The following ALKBH5 variants were observed in gnomAD, a reference collection of about 807,000 sequenced individuals.
ALKBH5 encodes alkB homolog 5, RNA demethylase, also known as RNA demethylase ALKBH5.
In ALKBH5, 2 loss-of-function variants were observed where a neutral mutation model predicts 32.1. The ratio of observed to expected loss-of-function variants is 0.06; its 90% confidence interval spans 0.03 to 0.20. ALKBH5 has a LOEUF of 0.20. Ranked by LOEUF, ALKBH5 falls within the 10% of genes least tolerant of loss-of-function variation. The pLI, the probability that ALKBH5 is intolerant of heterozygous loss-of-function variation, is 1.00. For synonymous variants in ALKBH5, 300 were observed against 231.7 expected, an observed-to-expected ratio of 1.29 and a Z score of -2.68; for missense variants, 352 against 559.5, an observed-to-expected ratio of 0.63 and a Z score of 3.74.
At chr17:18,205,778 C>A (rs1180495541) in intron 2 of ALKBH5, among the ~76,000 whole-genome samples, 3 of 152,182 alleles carry the variant, frequency 2.0e-5, no homozygotes, top group African/African-American at 7.2e-5. Flanking sequence ...CTTGGATTTC[C>A]CTCCTGCTTA....
rs2047281918 is a variant in ALKBH5 at position 18,208,311 on chromosome 17, A to G, written c.1100A>G (p.Tyr367Cys). 6.2e-7 allele frequency: 1 copy of G among 1,614,098 alleles called. No individual in the cohort carries two copies. Among genetic ancestry groups the G allele is most frequent in the East Asian group, 2.2e-5 (1 of 44,862 alleles). Residue 367 changes from tyrosine (Y) to cysteine (C), a missense_variant, in exon 4 of 4, where the codon TAC (tyrosine) becomes TGC (cysteine). Coordinates refer to ENST00000399138, the MANE Select transcript of ALKBH5 (RefSeq NM_017758.4). ...RRRGSFSSEN[Y>C]WRKSYESSED... ...AGGGGTAGCTTCAGCTCTGAGAACTACTGGCGCAAGTCATACGAGTCCTCA... is the reference window on the plus strand; with the variant it reads ...AGGGGTAGCTTCAGCTCTGAGAACTGCTGGCGCAAGTCATACGAGTCCTCA...
intron 1 of ALKBH5, among the ~76,000 whole-genome samples, chr17:18,192,289 G>A (rs767772760): frequency 2.0e-5 from 3 of 152,178 alleles, no homozygotes; most frequent in Non-Finnish European, 2.9e-5. Flanking sequence ...CTTAATTCTC[G>A]CAATACCCCT....
intron 1 of ALKBH5, 102 bp from the exon 2 acceptor site, chr17:18,194,853 G>A (rs907413755): frequency 1.2e-6 from 1 of 860,914 alleles, no homozygotes; most frequent in South Asian, 1.6e-5. Context: ...TGGGTAGAGA[G>A]CAGCCGTAAG....
At position 18,184,170 on chromosome 17, in the gene ALKBH5, G is replaced by A. The variant is rs1004908692; in HGVS notation, c.-74G>A. The A allele has an allele frequency of 1.5e-6, 2 of 1,331,906 alleles. No individual in the cohort carries two copies. Among genetic ancestry groups the A allele is most frequent in the Non-Finnish European group, 2.0e-6 (2 of 998,546 alleles). The allele number at this position is 1,331,906 out of a possible 1,614,324, so 82.5% of individuals were successfully genotyped here. ...GACCCCCCTCCCTCCGGGGGCCCCG[G>A]GGCGCGTCCCCTTAGAGCCATGCCC... On this transcript the variant is annotated 5_prime_UTR_variant, in exon 1 of 4. Transcript: ENST00000399138.
At position 18,208,400 on chromosome 17, in the gene ALKBH5, T is replaced by C; in HGVS notation, c.*4T>C. On this transcript the variant is annotated 3_prime_UTR_variant, in exon 4 of 4. Transcript: ENST00000399138. ...GGTGAAGATGCGGCGGCACTGAGTC[T>C]ACCCGCCGCCCTCCTGGGAACTCTG... 3 of 1,611,928 alleles carry C rather than the reference T, an allele frequency of 1.9e-6. No homozygotes were observed. Among genetic ancestry groups the C allele is most frequent in the Non-Finnish European group, 2.5e-6 (3 of 1,179,126 alleles).
Position 18,184,155 on chromosome 17 carries a change from C to T in ALKBH5, c.-89C>T, listed in dbSNP as rs1001630227. ...GGGTTCGGCGCTAAGGACCCCCCTC[C>T]CTCCGGGGGCCCCGGGGCGCGTCCC... is the stretch of plus-strand genomic sequence containing the variant. On this transcript the variant is annotated 5_prime_UTR_variant, in exon 1 of 4. Coordinates refer to ENST00000399138, the MANE Select transcript of ALKBH5 (RefSeq NM_017758.4). 2.5e-6 allele frequency: 3 copies of T among 1,211,848 alleles called. No individual in the cohort carries two copies. The highest frequency in any genetic ancestry group is 1.6e-5 in the African/African-American group (1 of 62,394). The allele number at this position is 1,211,848 out of a possible 1,614,324, so 75.1% of individuals were successfully genotyped here. A position where few individuals can be genotyped will look rare whatever the true frequency, so the allele number is the denominator to read the frequency against.
At chr17:18,204,465 T>C (rs868465844) in intron 2 of ALKBH5, among the ~76,000 whole-genome samples, 17 of 111,142 alleles carry the variant, frequency 1.5e-4, no homozygotes, top group South Asian at 2.7e-4. Flanking sequence ...AAAAAAAAAA[T>C]AGAAAAGGTA....
At chr17:18,190,285 C>T (rs1016301955) in intron 1 of ALKBH5, among the ~76,000 whole-genome samples, 8 of 152,204 alleles carry the variant, frequency 5.3e-5, no homozygotes, top group Admixed American at 1.3e-4. Context: ...TGCGGTGGCT[C>T]ATGCCTGTAA....
At chr17:18,203,641 G>C (rs1487497174) in intron 2 of ALKBH5, among the ~76,000 whole-genome samples, 1 of 152,234 alleles carries the variant, frequency 6.6e-6, no homozygotes, top group Non-Finnish European at 1.5e-5. Flanking sequence ...CCAGATTTGT[G>C]ACTCTCTGCT....
Position 18,199,782 on chromosome 17 carries a change from G to T in ALKBH5, c.851+4747G>T, listed in dbSNP as rs148355894. 5.3e-5 allele frequency among the ~76,000 whole-genome samples: 8 copies of T among 152,160 alleles called. No individual in the cohort carries two copies. The South Asian group carries it at 6.2e-4, about 12-fold the overall frequency. Reference sequence around the variant, plus strand: ...AGTGAACACTGGTGTAAAAGCACAGGGTATTCTCTGGGAGCCCTGCAAAAA... The same window carrying T: ...AGTGAACACTGGTGTAAAAGCACAGTGTATTCTCTGGGAGCCCTGCAAAAA... On this transcript the variant is annotated intron_variant, in intron 2 of 3. Transcript: ENST00000399138.
intron 2 of ALKBH5, 116 bp downstream of exon 2, chr17:18,195,151 A>G (rs763959030): frequency 2.8e-5 from 21 of 740,688 alleles, no homozygotes; most frequent in Non-Finnish European, 4.4e-5. Flanking sequence ...AGTGGAGAGC[A>G]GAACTGTTAA....
intron 1 of ALKBH5, among the ~76,000 whole-genome samples, chr17:18,185,677 A>T (rs2047134974): frequency 6.6e-6 from 1 of 152,218 alleles, no homozygotes; most frequent in Non-Finnish European, 1.5e-5. Flanking sequence ...ATACAACAGA[A>T]TACAGCTGGT....
chr17:18,209,906 C>T lies in ALKBH5; in HGVS notation c.*1510C>T, dbSNP rs912140849. The T allele has an allele frequency of 6.6e-6, 1 of 152,548 alleles. No homozygotes were observed. Among genetic ancestry groups the T allele is most frequent in the African/African-American group, 2.4e-5 (1 of 41,392 alleles). The allele number at this position is 152,548 out of a possible 1,614,324, so 9.4% of individuals were successfully genotyped here. ...TGTAGTTGTGTGTGCAGCACTTCGC[C>T]CTGATATGTGTGCTCTACAATAAAA... is the stretch of plus-strand genomic sequence containing the variant. On this transcript the variant is annotated 3_prime_UTR_variant, in exon 4 of 4. Coordinates refer to ENST00000399138, the MANE Select transcript of ALKBH5 (RefSeq NM_017758.4).
rs114322620 is a variant in ALKBH5 at position 18,194,871 on chromosome 17, C to T, written c.771-84C>T. ...GTAGAGAGCAGCCGTAAGACCTAGGCCATGTTCCTGTCCTGTTATATCCCC... is the reference window on the plus strand; with the variant it reads ...GTAGAGAGCAGCCGTAAGACCTAGGTCATGTTCCTGTCCTGTTATATCCCC... On this transcript the variant is annotated intron_variant, in intron 1 of 3. Transcript: ENST00000399138. 1.2e-3 allele frequency: 1,415 copies of T among 1,155,824 alleles called. 10 individuals are homozygous for T. The African/African-American group carries it at 0.018, about 15-fold the overall frequency. The allele number at this position is 1,155,824 out of a possible 1,614,324, so 71.6% of individuals were successfully genotyped here.
chr17:18,202,174 T>G (rs1011300796), intron 2 of ALKBH5, among the ~76,000 whole-genome samples: 2 of 151,454 alleles, frequency 1.3e-5, no homozygotes, highest in Non-Finnish European at 2.9e-5. Context: ...CCGGGCATGG[T>G]GGCAGGCGCC....
chr17:18,185,874 A>G (rs915736734), intron 1 of ALKBH5, among the ~76,000 whole-genome samples: 1 of 152,218 alleles, frequency 6.6e-6, no homozygotes, highest in Non-Finnish European at 1.5e-5. Flanking sequence ...TCCAGTCCTG[A>G]AAAAGGTAAA....
In ALKBH5 at chr17:18,183,846, C is replaced by G. The variant is rs1016826805; in HGVS notation, c.-398C>G. The G allele has an allele frequency of 3.1e-6, 1 of 324,330 alleles. No homozygotes were observed. Among genetic ancestry groups the G allele is most frequent in the African/African-American group, 2.3e-5 (1 of 43,542 alleles). 20.1% of individuals were successfully genotyped at this position (324,330 alleles called of 1,614,324 possible). A position where few individuals can be genotyped will look rare whatever the true frequency, so the allele number is the denominator to read the frequency against. ...GCGCGGTGAGGAGCCCGCTAAGGAG[C>G]GGCGCTGGCGGACGTCGGGCTGGCT... On this transcript the variant is annotated 5_prime_UTR_variant, in exon 1 of 4. Coordinates refer to ENST00000399138, the MANE Select transcript of ALKBH5 (RefSeq NM_017758.4).
At position 18,184,923 on chromosome 17, in the gene ALKBH5, G is replaced by C; in HGVS notation, c.680G>C (p.Cys227Ser). Residue 227 changes from cysteine (C) to serine (S), a missense_variant, in exon 1 of 4, where the codon TGC becomes TCC. By Grantham distance (112) the Cys-to-Ser change is moderately radical. Transcript: ENST00000399138. ...SVSFFSDSAL[C>S]FGCKFQFKPI... ...TCCTTCTTTAGCGACTCTGCGCTGTGCTTCGGCTGCAAGTTCCAGTTCAAG... is the reference window on the plus strand; with the variant it reads ...TCCTTCTTTAGCGACTCTGCGCTGTCCTTCGGCTGCAAGTTCCAGTTCAAG... 6.2e-7 allele frequency: 1 copy of C among 1,614,152 alleles called. No individual in the cohort carries two copies. Among genetic ancestry groups the C allele is most frequent in the Non-Finnish European group, 8.5e-7 (1 of 1,180,052 alleles).
chr17:18,184,204 C>A lies in ALKBH5; in HGVS notation c.-40C>A. 1 of 1,458,232 alleles carries A rather than the reference C, an allele frequency of 6.9e-7. No homozygotes were observed. Among genetic ancestry groups the A allele is most frequent in the Non-Finnish European group, 9.0e-7 (1 of 1,111,256 alleles). 90.3% of individuals were successfully genotyped at this position (1,458,232 alleles called of 1,614,324 possible). A position where few individuals can be genotyped will look rare whatever the true frequency, so the allele number is the denominator to read the frequency against. On this transcript the variant is annotated 5_prime_UTR_variant, in exon 1 of 4. Transcript: ENST00000399138. ...CCCTTAGAGCCATGCCCGGCTGCCC[C>A]GCCCGCCCCGGAGGACCCTAGAGCA...
Sources: gnomAD v4.1 joint callset for allele counts (sites outside exome capture counted in the v4.1 genomes callset) on GRCh38, gnomAD v4.1.1 for gene constraint, MANE v1.5 for transcripts, NCBI Gene and HGNC (gene_info 2026-07-23, HGNC 2026-07-21) for gene names.